TIPIN: variants seen among roughly 807,000 people sequenced by gnomAD.
TIPIN encodes TIMELESS-interacting protein.
In TIPIN, 29 loss-of-function variants were observed where a neutral mutation model predicts 35.6. The ratio of observed to expected loss-of-function variants is 0.82; its 90% CI spans 0.61 to 1.11. TIPIN has a LOEUF of 1.11. Ranked by LOEUF, TIPIN falls within the 50% of genes most tolerant of loss-of-function variation. TIPIN has a pLI of 0.00. For missense variants in TIPIN, 296 were observed against 345.4 expected (o/e 0.86, Z 1.13); for synonymous variants, 102 against 121.5 (o/e 0.84, Z 1.06).
intron 6 of TIPIN, among the ~76,000 whole-genome samples, chr15:66,346,989 G>A (rs970428946): frequency 6.6e-6 from 1 of 151,912 alleles, no homozygotes; most frequent in Non-Finnish European, 1.5e-5. Context: ...TAGAGACGGG[G>A]TTTCACCATG....
At chr15:66,379,588 AC>A in intron 1 of TIPIN, 4 of 1,610,986 alleles carry the variant, frequency 2.5e-6, no homozygotes, top group East Asian at 4.5e-5. Context: ...TCAACAACAG[AC>A]CCATTCTCCG....
At chr15:66,359,174 G>GACAC (rs144363122), upstream of TIPIN, among the ~76,000 whole-genome samples, 4,509 of 134,868 alleles carry the variant, frequency 0.033, 188 homozygotes, top group African/African-American at 0.1. Context: ...CACACACACA[G>GACAC]ACACACACAC....
intron 6 of TIPIN, chr15:66,348,155 GC>G (rs2093140240): frequency 6.6e-6 from 1 of 151,758 alleles, no homozygotes; most frequent in African/African-American, 2.4e-5. Context: ...ACAGGCATGT[GC>G]CACCACACCT....
At chr15:66,363,008 C>T (rs2093237978) in intron 1 of TIPIN, among the ~76,000 whole-genome samples, 1 of 152,200 alleles carries the variant, frequency 6.6e-6, no homozygotes, top group Admixed American at 6.6e-5. Context: ...AGAGCTGCAG[C>T]AGCATTAACA....
intron 1 of TIPIN, among the ~76,000 whole-genome samples, chr15:66,381,438 G>GA (rs1419617733): frequency 6.6e-6 from 1 of 151,628 alleles, no homozygotes; most frequent in African/African-American, 2.4e-5. Flanking sequence ...TCTCCATCTG[G>GA]AAAAAATTAA....
rs35065958 is a variant in TIPIN at position 66,339,131 on chromosome 15, C to CAAA, written c.683-1953_683-1951dup. Among the ~76,000 whole-genome samples the CAAA allele has an allele frequency of 8.9e-3, 183 of 20,574 alleles. 20 individuals are homozygous for CAAA. Among genetic ancestry groups the CAAA allele is most frequent in the Middle Eastern group, 0.056 (1 of 18 alleles). The allele number at this position is 20,574 out of a possible 152,430, so 13.5% of individuals were successfully genotyped here. Reference sequence around the variant, plus strand: ...TGAGCTACAGAGCAAGACTCCATCTCAAAAAAAAAAAAAAAAAAAAAAAAA... The same window carrying CAAA: ...TGAGCTACAGAGCAAGACTCCATCTCAAAAAAAAAAAAAAAAAAAAAAAAAAAA... On this transcript the variant is annotated intron_variant, in intron 7 of 7. Transcript: ENST00000261881.
At chr15:66,382,399 G>A (rs2093321640) in intron 1 of TIPIN, 7 of 984,122 alleles carry the variant, frequency 7.1e-6, no homozygotes, top group Admixed American at 6.2e-5. Context: ...TTTCATCACT[G>A]GTTGTCCTTG....
intron 6 of TIPIN, among the ~76,000 whole-genome samples, chr15:66,345,839 C>T (rs2093121085): frequency 6.6e-6 from 1 of 151,970 alleles, no homozygotes; most frequent in African/African-American, 2.4e-5. Flanking sequence ...TATTAAGATA[C>T]AAATTAAATA....
chr15:66,373,241 C>A (rs1595818109), intron 1 of TIPIN, among the ~76,000 whole-genome samples: 2 of 152,240 alleles, frequency 1.3e-5, no homozygotes, highest in African/African-American at 4.8e-5. Flanking sequence ...CGCCTGTAAT[C>A]CCAGCACTTT....
At chr15:66,364,154 T>C (rs1158048049) in intron 1 of TIPIN, among the ~76,000 whole-genome samples, 3 of 143,066 alleles carry the variant, frequency 2.1e-5, no homozygotes, top group Non-Finnish European at 4.5e-5. Flanking sequence ...GAAATCTTTC[T>C]TTTCTTTTTT....
chr15:66,369,509 C>G (rs201528326), intron 1 of TIPIN, among the ~76,000 whole-genome samples: 1 of 151,874 alleles, frequency 6.6e-6, no homozygotes, highest in Non-Finnish European at 1.5e-5. Flanking sequence ...CCACCATGCC[C>G]GGCTAATTTT....
intron 1 of TIPIN, among the ~76,000 whole-genome samples, chr15:66,367,208 C>CTATATCTATATCTATATCTATATCTA (rs772405456): frequency 0.013 from 2,011 of 149,070 alleles, 40 homozygotes; most frequent in South Asian, 0.062. Flanking sequence ...ATATCTATAT[C>CTATATCTATATCTATATCTATATCTA]TATATCTATA....
At chr15:66,379,998 CTTTCTTTTTT>C (rs1276688398) in intron 1 of TIPIN, 7 of 313,832 alleles carry the variant, frequency 2.2e-5, no homozygotes, top group African/African-American at 1.1e-4. Flanking sequence ...TTCTTTCTTT[CTTTCTTTTTT>C]TTTTTTTTTT....
At chr15:66,363,305 C>T (rs1308531739) in intron 1 of TIPIN, among the ~76,000 whole-genome samples, 3 of 151,562 alleles carry the variant, frequency 2.0e-5, no homozygotes, top group Non-Finnish European at 4.4e-5. Flanking sequence ...GTCAGGAGTT[C>T]GAGACCAGCC....
rs1018784386 is a variant in TIPIN at position 66,356,684 on chromosome 15, C to T, written c.-54G>A. The T allele has an allele frequency of 1.0e-6, 1 of 985,578 alleles. No individual in the cohort carries two copies. Among genetic ancestry groups the T allele is most frequent in the Non-Finnish European group, 1.2e-6 (1 of 830,026 alleles). The allele number at this position is 985,578 out of a possible 1,614,324, so 61.1% of individuals were successfully genotyped here. On this transcript the variant is annotated 5_prime_UTR_variant, in exon 1 of 8. Transcript: ENST00000261881. Reference sequence around the variant, plus strand: ...CACAGCGCGGACCTCGGCGTGCAGACTAAGCGCGCTTCTCGCGATACTCGG... The same window carrying T: ...CACAGCGCGGACCTCGGCGTGCAGATTAAGCGCGCTTCTCGCGATACTCGG...
chr15:66,348,061 T>A (rs1212801758), intron 6 of TIPIN, among the ~76,000 whole-genome samples: 1 of 146,158 alleles, frequency 6.8e-6, no homozygotes, highest in East Asian at 2.0e-4. Flanking sequence ...TTGCCCAGAG[T>A]ATAGTGGTGT....
chr15:66,359,431 A>G (rs12911843), upstream of TIPIN, among the ~76,000 whole-genome samples: 151,431 of 152,166 alleles, frequency 1, 75,355 homozygotes, highest in Middle Eastern at 1. Context: ...CTGCAGCCTC[A>G]ATCTCCTGGG....
chr15:66,354,956 C>G (rs1009375287), intron 1 of TIPIN, among the ~76,000 whole-genome samples: 1 of 151,362 alleles, frequency 6.6e-6, no homozygotes, highest in African/African-American at 2.4e-5. Flanking sequence ...AAAAGGGCAA[C>G]GAGGTTAAGT....
At position 66,336,348 on chromosome 15, in the gene TIPIN, G is replaced by GT; in HGVS notation, c.*609dup. The GT allele has an allele frequency of 6.5e-6, 1 of 152,730 alleles. No homozygotes were observed. Among genetic ancestry groups the GT allele is most frequent in the Non-Finnish European group, 1.5e-5 (1 of 68,442 alleles). 9.5% of individuals were successfully genotyped at this position (152,730 alleles called of 1,614,324 possible). A position where few individuals can be genotyped will look rare whatever the true frequency, so the allele number is the denominator to read the frequency against. On this transcript the variant is annotated 3_prime_UTR_variant, in exon 8 of 8. Transcript: ENST00000261881. ...GGGGGCGGATTACCTGAGGTTAGGA[G>GT]TTTGAGACCAGCCTGGCCAACATGG...
Sources: gnomAD v4.1 joint callset for allele counts (sites outside exome capture counted in the v4.1 genomes callset) on GRCh38, gnomAD v4.1.1 for gene constraint, MANE v1.5 for transcripts, NCBI Gene and HGNC (gene_info 2026-07-23, HGNC 2026-07-21) for gene names.